The following PYGM variants were observed in gnomAD, a reference collection of about 807,000 sequenced individuals.
PYGM encodes the protein glycogen phosphorylase, muscle associated, also known as glycogen phosphorylase, muscle form.
A neutral mutation model predicts 99.3 loss-of-function variants in PYGM; 81 were observed. That is an observed-to-expected ratio of 0.82 (90% CI 0.68 to 0.98). PYGM has a LOEUF of 0.98. Ranked by LOEUF, PYGM falls within the 50% of genes least tolerant of loss-of-function variation. PYGM has a pLI of 0.00. For missense variants in PYGM, 1,030 were observed against 1,158.1 expected (o/e 0.89, Z 1.61); for synonymous variants, 436 against 451.5 (o/e 0.97, Z 0.44).
At position 64,753,676 on chromosome 11, in the gene PYGM, C is replaced by A. The variant is rs1345201383; in HGVS notation, c.1246G>T (p.Ala416Ser). The change falls in exon 11 of 20, where the codon GCG becomes TCG. Residue 416 changes from alanine (A) to serine (S), a missense_variant. Transcript: ENST00000164139. ...TCTACGTCCCCTGGGAATGCGGCCG[C>A]CACCCGCTGTGCCCAGAGAGCCCAG... ...EINQRFLNRV[A>S]AAFPGDVDRL... 1 of 1,606,822 alleles carries A rather than the reference C, an allele frequency of 6.2e-7. No homozygotes were observed. Among genetic ancestry groups the A allele is most frequent in the African/African-American group, 1.3e-5 (1 of 74,976 alleles).
chr11:64,751,607 A>G lies in PYGM; in HGVS notation c.1817T>C (p.Ile606Thr), dbSNP rs1254930380. The G allele has an allele frequency of 2.5e-6, 4 of 1,613,830 alleles. No homozygotes were observed. Among genetic ancestry groups the G allele is most frequent in the Middle Eastern group, 1.6e-4 (1 of 6,084 alleles). ...AGCCTGGCTTCTCACCTTCCCTCCA[A>G]TCATCACAGTCCGAGGCACAAAAAA... ...NKFFVPRTVMIGGKAAPGYHM... is the reference protein window; with the variant it reads ...NKFFVPRTVMTGGKAAPGYHM... The change falls in exon 15 of 20, where the codon ATT (isoleucine) becomes ACT (threonine). Residue 606 changes from isoleucine (I) to threonine (T), a missense_variant. Physicochemically the swap from Ile to Thr is moderately conservative, Grantham distance 89. Coordinates refer to ENST00000164139, the MANE Select transcript of PYGM (RefSeq NM_005609.4).
intron 15 of PYGM, 43 bp downstream of exon 15, chr11:64,751,554 A>G (rs993839552): frequency 6.2e-7 from 1 of 1,614,052 alleles, no homozygotes; most frequent in Non-Finnish European, 8.5e-7. Context: ...CAACCTGGAT[A>G]TATCAAAGGA....
intron 14 of PYGM, 94 bp from the exon 15 acceptor site, chr11:64,751,749 C>G: frequency 6.5e-7 from 1 of 1,543,134 alleles, no homozygotes; most frequent in Non-Finnish European, 8.9e-7. Context: ...AGGCCTGACT[C>G]GAACAATCAC....
rs2058387066 is a variant in PYGM at position 64,755,351 on chromosome 11, AT to A, written c.776del (p.Asn259MetfsTer36). The A allele has an allele frequency of 6.2e-7, 1 of 1,614,026 alleles. No homozygotes were observed. Among genetic ancestry groups the A allele is most frequent in the African/African-American group, 1.3e-5 (1 of 74,922 alleles). On this transcript the variant is annotated frameshift_variant, in exon 7 of 20. Coordinates refer to ENST00000164139, the MANE Select transcript of PYGM (RefSeq NM_005609.4). LOFTEE classifies it high-confidence loss of function. This position sits in a 1 kb window ranked among gnomAD's most constrained non-coding sequence, Gnocchi z 4.1. ...ACACAGCCTGGATGTAGCCACCGAC[AT>A]TGACTGAGGGACAAAAGTGGGGACA... ...APNDFNLKDF[N>X]VGGYIQAVLD...
chr11:64,754,898 G>C lies in PYGM; in HGVS notation c.856-62C>G, dbSNP rs2058384346. The C allele has an allele frequency of 1.9e-6, 3 of 1,598,750 alleles. No individual in the cohort carries two copies. Among genetic ancestry groups the C allele is most frequent in the Non-Finnish European group, 1.7e-6 (2 of 1,174,534 alleles). On this transcript the variant is annotated intron_variant, in intron 7 of 19. Transcript: ENST00000164139. The surrounding 1 kb of genome is among the most constrained non-coding windows in gnomAD (Gnocchi z 5.5). ...GGGGGCATGGCCTAAAGCTGCGGTG[G>C]GTGTGGCCAGGAGGGACTCCCACCC...
Position 64,754,929 on chromosome 11 carries a change from G to A in PYGM, c.856-93C>T, listed in dbSNP as rs531966108. The stretch of plus-strand genomic sequence containing the variant: ...GCCAGGAGGGACTCCCACCCATACC[G>A]GGACCCCTGAGCCCTGAGCCGGCCC... On this transcript the variant is annotated intron_variant, in intron 7 of 19. Coordinates refer to ENST00000164139, the MANE Select transcript of PYGM (RefSeq NM_005609.4). This position sits in a 1 kb window ranked among gnomAD's most constrained non-coding sequence, Gnocchi z 5.5. 33 of 1,544,710 alleles carry A rather than the reference G, an allele frequency of 2.1e-5. No individual in the cohort carries two copies. In the East Asian group the frequency reaches 3.3e-4, roughly 15 times the overall value.
Position 64,755,319 on chromosome 11 carries a change from C to T in PYGM, c.809G>A (p.Arg270Gln), listed in dbSNP as rs761545001. Residue 270 changes from arginine (R) to glutamine (Q), a missense_variant, in exon 7 of 20, where the codon CGA becomes CAA. Coordinates refer to ENST00000164139, the MANE Select transcript of PYGM (RefSeq NM_005609.4). This position sits in a 1 kb window ranked among gnomAD's most constrained non-coding sequence, Gnocchi z 4.1. Reference protein sequence around the residue: ...VGGYIQAVLDRNLAENISRVL... With the variant: ...VGGYIQAVLDQNLAENISRVL... ...ACGAGAGATGTTCTCCGCCAGGTTT[C>T]GGTCCAACACAGCCTGGATGTAGCC... 2.2e-5 allele frequency: 36 copies of T among 1,614,134 alleles called. No individual in the cohort carries two copies. The highest frequency in any genetic ancestry group is 2.8e-5 in the Non-Finnish European group (33 of 1,180,010).
rs2058367541 is a variant in PYGM at position 64,753,085 on chromosome 11, C to T, written c.1506G>A (p.Glu502=). The T allele has an allele frequency of 6.2e-7, 1 of 1,612,838 alleles. No homozygotes were observed. Among genetic ancestry groups the T allele is most frequent in the South Asian group, 1.1e-5 (1 of 91,056 alleles). Residue 502 remains glutamate, a synonymous_variant, in exon 12 of 20, where the codon GAG becomes GAA. Coordinates refer to ENST00000164139, the MANE Select transcript of PYGM (RefSeq NM_005609.4). The part of the protein sequence containing the change: ...WLVLCNPGLA[E]VIAERIGEDF... ...GGTGGCCTCTCACCTCAGCAATGAC[C>T]TCTGCCAGCCCGGGGTTACACAGAA...
At chr11:64,748,075 C>G (rs1334293259) in intron 17 of PYGM, 1 of 154,650 alleles carries the variant, frequency 6.5e-6, no homozygotes, top group African/African-American at 2.4e-5. Flanking sequence ...TCAGCTGACC[C>G]TCAGCGCCCC....
At position 64,750,579 on chromosome 11, in the gene PYGM, G is replaced by T; in HGVS notation, c.1974C>A (p.Ile658=). 6.2e-7 allele frequency: 1 copy of T among 1,613,786 alleles called. No homozygotes were observed. Among genetic ancestry groups the T allele is most frequent in the South Asian group, 1.1e-5 (1 of 91,066 alleles). Residue 658 remains isoleucine, a synonymous_variant, in exon 17 of 20, where the codon ATC becomes ATA. Coordinates refer to ENST00000164139, the MANE Select transcript of PYGM (RefSeq NM_005609.4). ...TCTGCTCAGAGAGGTCTGCAGCTGG[G>T]ATCACTGTGGGGTGGCAGCAGGGGG... is the stretch of plus-strand genomic sequence containing the variant. The part of the protein sequence containing the change: ...NYRVSLAEKV[I]PAADLSEQIS...
rs1182739938 is a variant in PYGM, at chr11:64,759,680, C to G, written c.219G>C (p.Gln73His). ...HLVGRWIRTQ[Q>H]HYYEKDPKRI... ...CCTTGGGGTCCTTCTCATAGTAGTG[C>G]TGCTGCGTGCGGATCCAGCGCCCCA... Residue 73 changes from glutamine to histidine, a missense_variant, in exon 1 of 20, where the codon CAG becomes CAC. Transcript: ENST00000164139. The G allele has an allele frequency of 6.2e-7, 1 of 1,613,934 alleles. No individual in the cohort carries two copies. The highest frequency in any genetic ancestry group is 1.3e-5 in the African/African-American group (1 of 74,934).
intron 17 of PYGM, chr11:64,748,418 A>C (rs932712737): frequency 1.1e-4 from 17 of 152,202 alleles, no homozygotes; most frequent in Non-Finnish European, 1.0e-4. Flanking sequence ...TCAGTGTTTA[A>C]TGCCAACTCT....
chr11:64,746,478 C>T lies in PYGM; in HGVS notation c.*181G>A, dbSNP rs546996458. ...TAGGAGGGGACCGGGAGCCCGAGGACGGAAGGGGGCCCGTGTCCTTAGTCA... is the reference window on the plus strand; with the variant it reads ...TAGGAGGGGACCGGGAGCCCGAGGATGGAAGGGGGCCCGTGTCCTTAGTCA... On this transcript the variant is annotated 3_prime_UTR_variant, in exon 20 of 20. Coordinates refer to ENST00000164139, the MANE Select transcript of PYGM (RefSeq NM_005609.4). 3 of 826,592 alleles carry T rather than the reference C, an allele frequency of 3.6e-6. No individual in the cohort carries two copies. Among genetic ancestry groups the T allele is most frequent in the African/African-American group, 3.4e-5 (2 of 58,754 alleles). The allele number at this position is 826,592 out of a possible 1,614,324, so 51.2% of individuals were successfully genotyped here. A position where few individuals can be genotyped will look rare whatever the true frequency, so the allele number is the denominator to read the frequency against.
In PYGM at chr11:64,755,900, A is replaced by G. The variant is rs1439758109; in HGVS notation, c.661-342T>C. On this transcript the variant is annotated intron_variant, in intron 5 of 19. Coordinates refer to ENST00000164139, the MANE Select transcript of PYGM (RefSeq NM_005609.4). This position sits in a 1 kb window ranked among gnomAD's most constrained non-coding sequence, Gnocchi z 4.1. ...CTGGGCTGGCCAGCCTGGCCTGAGC[A>G]AAAGCTAGAGGACACTGTGGACTCA... is the stretch of plus-strand genomic sequence containing the variant. 6.6e-6 allele frequency among the ~76,000 whole-genome samples: 1 copy of G among 152,180 alleles called. No individual in the cohort carries two copies. Among genetic ancestry groups the G allele is most frequent in the Non-Finnish European group, 1.5e-5 (1 of 68,016 alleles).
At position 64,746,601 on chromosome 11, in the gene PYGM, G is replaced by A. The variant is rs2058308553; in HGVS notation, c.*58C>T. Reference sequence around the variant, plus strand: ...CCCCACCCTCTGCATGAGGTGCTGGGGCTGGCCCAAGAGAGTGTGACAGAC... The same window carrying A: ...CCCCACCCTCTGCATGAGGTGCTGGAGCTGGCCCAAGAGAGTGTGACAGAC... On this transcript the variant is annotated 3_prime_UTR_variant, in exon 20 of 20. Coordinates refer to ENST00000164139, the MANE Select transcript of PYGM (RefSeq NM_005609.4). 1 of 1,609,028 alleles carries A rather than the reference G, an allele frequency of 6.2e-7. No homozygotes were observed. The highest frequency in any genetic ancestry group is 1.1e-5 in the South Asian group (1 of 91,020).
intron 11 of PYGM, 50 bp from the exon 12 acceptor site, chr11:64,753,237 G>C: frequency 6.6e-7 from 1 of 1,523,766 alleles, no homozygotes; most frequent in Non-Finnish European, 9.1e-7. Context: ...GTACAATGAA[G>C]GCCTCTGCCC....
At position 64,753,650 on chromosome 11, in the gene PYGM, G is replaced by T. The variant is rs372851103; in HGVS notation, c.1272C>A (p.Asp424Glu). ...CCACCAGCGACATGCGCCGCAGCCG[G>T]TCTACGTCCCCTGGGAATGCGGCCG... ...RVAAAFPGDVDRLRRMSLVEE... is the reference protein window; with the variant it reads ...RVAAAFPGDVERLRRMSLVEE... The change falls in exon 11 of 20, where the codon GAC (aspartate) becomes GAA (glutamate). Residue 424 changes from aspartate (D) to glutamate (E), a missense_variant. Coordinates refer to ENST00000164139, the MANE Select transcript of PYGM (RefSeq NM_005609.4). 147 of 1,608,708 alleles carry T rather than the reference G, an allele frequency of 9.1e-5. No individual in the cohort carries two copies. Among genetic ancestry groups the T allele is most frequent in the Middle Eastern group, 1.7e-4 (1 of 5,870 alleles).
At chr11:64,759,568 T>C in intron 1 of PYGM, 88 bp downstream of exon 1, 1 of 1,578,742 alleles carries the variant, frequency 6.3e-7, no homozygotes, top group South Asian at 1.1e-5. Flanking sequence ...GAACCTAGAG[T>C]GACGAGGGGC....
rs1255143077 is a variant in PYGM at position 64,754,083 on chromosome 11, C to T, written c.1093-58G>A. ...CCTCAGCCCAGTGGGTCTCCTCACA[C>T]ACTACGCATCCCAGTGGGCCCCCCC... On this transcript the variant is annotated intron_variant, in intron 9 of 19. Coordinates refer to ENST00000164139, the MANE Select transcript of PYGM (RefSeq NM_005609.4). This position sits in a 1 kb window ranked among gnomAD's most constrained non-coding sequence, Gnocchi z 5.5. 8 of 1,600,868 alleles carry T rather than the reference C, an allele frequency of 5.0e-6. No individual in the cohort carries two copies. The South Asian group carries it at 7.8e-5, about 16-fold the overall frequency.
Sources: allele counts gnomAD v4.1 joint callset (sites outside exome capture counted in the v4.1 genomes callset), GRCh38; gene constraint gnomAD v4.1.1; non-coding constraint Gnocchi (gnomAD v3.1); transcripts MANE v1.5; gene names NCBI Gene and HGNC (gene_info 2026-07-23, HGNC 2026-07-21).